MMP28: variants seen among roughly 807,000 people sequenced by gnomAD.
MMP28 encodes matrix metallopeptidase 28, also known as matrix metalloproteinase-28.
MMP28 carries 55 observed loss-of-function variants against 60.5 expected under a neutral mutation model. The ratio of observed to expected loss-of-function variants is 0.91; its 90% CI spans 0.73 to 1.14. The LOEUF is 1.14. Ranked by LOEUF, MMP28 falls within the 50% of genes most tolerant of loss-of-function variation. The pLI, the probability that MMP28 is intolerant of heterozygous loss-of-function variation, is 0.00. For synonymous variants in MMP28, 318 were observed against 312.5 expected, an observed-to-expected ratio of 1.02 and a Z score of -0.18; for missense variants, 686 against 738.3, an observed-to-expected ratio of 0.93 and a Z score of 0.82.
At chr17:35,778,773 G>A in intron 3 of MMP28, 115 bp downstream of exon 3, 2 of 1,586,630 alleles carry the variant, frequency 1.3e-6, no homozygotes, top group Non-Finnish European at 8.6e-7. Context: ...CTCCTCCCGT[G>A]CCCTAGGGAA....
chr17:35,795,085 G>T (rs1161300060), intron 1 of MMP28, among the ~76,000 whole-genome samples, 182 bp downstream of exon 1: 1 of 152,242 alleles, frequency 6.6e-6, no homozygotes, highest in South Asian at 2.1e-4. Context: ...TGCCTGTGTG[G>T]TTCCAGCCTG....
rs1481393295 is a variant in MMP28, at chr17:35,766,634, T to G, written c.1429A>C (p.Ile477Leu). ...TAGCGGTCATCTCGGAAGAAGATGA[T>G]GGAGCCATCGGGCCTCGGCAGGGCG... ...SGALPRPDGS[I>L]IFFRDDRYWR... The change falls in exon 8 of 8, where the codon ATC (isoleucine) becomes CTC (leucine). Residue 477 changes from isoleucine (I) to leucine (L), a missense_variant. Coordinates refer to ENST00000605424, the MANE Select transcript of MMP28 (RefSeq NM_024302.5). This position sits in a 1 kb window ranked among gnomAD's most constrained non-coding sequence, Gnocchi z 4.3. The G allele has an allele frequency of 6.2e-7, 1 of 1,612,464 alleles. No homozygotes were observed. Among genetic ancestry groups the G allele is most frequent in the African/African-American group, 1.3e-5 (1 of 74,938 alleles).
intron 1 of MMP28, among the ~76,000 whole-genome samples, chr17:35,792,681 AC>A (rs2143637708): frequency 6.6e-6 from 1 of 152,318 alleles, no homozygotes; most frequent in Non-Finnish European, 1.5e-5. Context: ...TAGTTGCCTT[AC>A]ATATTTTGTC....
In MMP28 at chr17:35,795,345, G is replaced by A. The variant is rs538052167; in HGVS notation, c.33C>T (p.Ala11=). MVARVGLLLR[A]LQLLLWGHLD... ...GGTGGCCCCACAGTAGCAGCTGCAG[G>A]GCGCGCAGCAGGAGGCCGACGCGCG... is the stretch of plus-strand genomic sequence containing the variant. The change falls in exon 1 of 8, where the codon GCC becomes GCT. Residue 11 remains alanine (A), a synonymous_variant. Coordinates refer to ENST00000605424, the MANE Select transcript of MMP28 (RefSeq NM_024302.5). 143 of 1,460,794 alleles carry A rather than the reference G, an allele frequency of 9.8e-5. 1 individual carries two copies. The South Asian group carries it at 1.9e-3, about 20-fold the overall frequency. The allele number at this position is 1,460,794 out of a possible 1,614,324, so 90.5% of individuals were successfully genotyped here. A position where few individuals can be genotyped will look rare whatever the true frequency, so the allele number is the denominator to read the frequency against.
downstream of MMP28, among the ~76,000 whole-genome samples, chr17:35,763,092 A>T (rs587622346): frequency 6.6e-6 from 1 of 150,572 alleles, no homozygotes. Context: ...ACTGCACTCC[A>T]GCCTGGGCGA....
chr17:35,786,470 T>A (rs945500742), intron 1 of MMP28, among the ~76,000 whole-genome samples: 4 of 152,154 alleles, frequency 2.6e-5, no homozygotes, highest in African/African-American at 2.4e-5. Flanking sequence ...ACCTATGATA[T>A]ACTCCATCTC....
rs1555603191 is a variant in MMP28, at chr17:35,766,509, G to C, written c.1554C>G (p.Ala518=). 2 of 1,590,900 alleles carry C rather than the reference G, an allele frequency of 1.3e-6. No homozygotes were observed. The highest frequency in any genetic ancestry group is 1.7e-6 in the Non-Finnish European group (2 of 1,168,448). ...MGCWHANSGS[A]LF ...AGGTGAGGAGGTGCCTTCAGAACAG[G>C]GCGCTCCCCGAGTTGGCATGCCAGC... The change falls in exon 8 of 8, where the codon GCC becomes GCG. Residue 518 remains alanine, a synonymous_variant. Coordinates refer to ENST00000605424, the MANE Select transcript of MMP28 (RefSeq NM_024302.5). The surrounding 1 kb of genome is among the most constrained non-coding windows in gnomAD (Gnocchi z 4.3).
chr17:35,764,159 G>A (rs1555602151), downstream of MMP28: 1 of 1,548,998 alleles, frequency 6.5e-7, no homozygotes, highest in South Asian at 1.2e-5. Flanking sequence ...GCCGCCGCGG[G>A]TAGCGGAGGA....
Position 35,773,242 on chromosome 17 carries a change from A to C in MMP28, c.542T>G (p.Ile181Ser), listed in dbSNP as rs767563445. The change falls in exon 4 of 8, where the codon ATC becomes AGC. Residue 181 changes from isoleucine to serine, a missense_variant. By Grantham distance (142) the Ile-to-Ser change is moderately radical. Coordinates refer to ENST00000605424, the MANE Select transcript of MMP28 (RefSeq NM_024302.5). The part of the protein sequence containing the change: ...WEAPATGPAD[I>S]RLTFFQGDHN... Reference sequence around the variant, plus strand: ...GTCCCCTTGGAAGAAGGTGAGCCGGATGTCAGCGGGGCCTGTGGCTGGGGC... The same window carrying C: ...GTCCCCTTGGAAGAAGGTGAGCCGGCTGTCAGCGGGGCCTGTGGCTGGGGC... The C allele has an allele frequency of 5.5e-5, 88 of 1,613,932 alleles. No individual in the cohort carries two copies. Among genetic ancestry groups the C allele is most frequent in the Non-Finnish European group, 6.8e-5 (80 of 1,179,908 alleles).
chr17:35,770,077 C>CT lies in MMP28; in HGVS notation c.839dup (p.Ser281GlufsTer22). Reference sequence around the variant, plus strand: ...GTCCCGGGGCCTCACCATACAGGCTCTGCACGGCCAGCACGTCGTCCCAGC... The same window carrying CT: ...GTCCCGGGGCCTCACCATACAGGCTCTTGCACGGCCAGCACGTCGTCCCAGC... On this transcript the variant is annotated frameshift_variant, in exon 5 of 8. Coordinates refer to ENST00000605424, the MANE Select transcript of MMP28 (RefSeq NM_024302.5). LOFTEE classifies it high-confidence loss of function. 1 of 1,583,512 alleles carries CT rather than the reference C, an allele frequency of 6.3e-7. No individual in the cohort carries two copies. The highest frequency in any genetic ancestry group is 8.6e-7 in the Non-Finnish European group (1 of 1,165,708).
chr17:35,766,399 G>A lies in MMP28; in HGVS notation c.*101C>T. ...TGGAGGCTTTGCTGCCCGGTCTTCT[G>A]CAGAGGGACTCAGAGGCTTCTAAGA... On this transcript the variant is annotated 3_prime_UTR_variant, in exon 8 of 8. Coordinates refer to ENST00000605424, the MANE Select transcript of MMP28 (RefSeq NM_024302.5). This position sits in a 1 kb window ranked among gnomAD's most constrained non-coding sequence, Gnocchi z 4.3. 5 of 1,432,164 alleles carry A rather than the reference G, an allele frequency of 3.5e-6. No homozygotes were observed. The highest frequency in any genetic ancestry group is 4.6e-6 in the Non-Finnish European group (5 of 1,095,294). 88.7% of individuals were successfully genotyped at this position (1,432,164 alleles called of 1,614,324 possible). A position where few individuals can be genotyped will look rare whatever the true frequency, so the allele number is the denominator to read the frequency against.
chr17:35,764,518 G>A, downstream of MMP28: 1 of 1,597,270 alleles, frequency 6.3e-7, no homozygotes. Context: ...CTCCTCTTCT[G>A]CAAGAAATGC....
At chr17:35,772,175 A>G (rs2094961936) in intron 4 of MMP28, among the ~76,000 whole-genome samples, 1 of 152,146 alleles carries the variant, frequency 6.6e-6, no homozygotes, top group African/African-American at 2.4e-5. Flanking sequence ...TGTTCACTCT[A>G]TTCAACTCTC....
At chr17:35,770,013 G>T in intron 5 of MMP28, 54 bp downstream of exon 5, 5 of 1,490,378 alleles carry the variant, frequency 3.4e-6, no homozygotes, top group Non-Finnish European at 4.5e-6. Flanking sequence ...TCAAGGACAG[G>T]AGGCCTTGGG....
chr17:35,773,450 G>C, intron 3 of MMP28, 46 bp from the exon 4 acceptor site: 5 of 1,509,004 alleles, frequency 3.3e-6, no homozygotes, highest in South Asian at 1.2e-5. Flanking sequence ...TGCAGAGCCC[G>C]AGTCTGGTCC....
At chr17:35,787,096 A>G (rs2086674343) in intron 1 of MMP28, among the ~76,000 whole-genome samples, 1 of 152,208 alleles carries the variant, frequency 6.6e-6, no homozygotes, top group African/African-American at 2.4e-5. Flanking sequence ...ACTCTCAATT[A>G]AGAAAAAGGT....
intron 7 of MMP28, 67 bp downstream of exon 7, chr17:35,767,683 CTT>C: frequency 6.5e-7 from 1 of 1,530,428 alleles, no homozygotes; most frequent in East Asian, 2.5e-5. Context: ...CTTTTGTCCT[CTT>C]TTGACCTTGG....
chr17:35,761,068 A>G, downstream of MMP28: 1 of 1,077,784 alleles, frequency 9.3e-7, no homozygotes, highest in Non-Finnish European at 1.3e-6. Context: ...CCATCCATGT[A>G]GCTGCAAGCC....
downstream of MMP28, chr17:35,764,281 C>T (rs922001775): frequency 2.0e-6 from 3 of 1,533,596 alleles, no homozygotes; most frequent in African/African-American, 1.4e-5. Flanking sequence ...GGGGCTGGCT[C>T]GGCCCCTTAG....
Sources: allele counts gnomAD v4.1 joint callset (sites outside exome capture counted in the v4.1 genomes callset), GRCh38; gene constraint gnomAD v4.1.1; non-coding constraint Gnocchi (gnomAD v3.1); transcripts MANE v1.5; gene names NCBI Gene and HGNC (gene_info 2026-07-23, HGNC 2026-07-21).